Variants in EEF2K observed in about 807,000 individuals in gnomAD.
EEF2K encodes eukaryotic elongation factor 2 kinase, also known as alternative protein EEF2K.
A neutral mutation model predicts 93.8 loss-of-function variants in EEF2K; 70 were observed. That is an observed-to-expected ratio of 0.75 (90% CI 0.62 to 0.91). EEF2K has a LOEUF of 0.91. Among genes scored for constraint, EEF2K ranks in the 40% least tolerant of loss-of-function variants. The probability of loss-of-function intolerance (pLI) is 0.00; values close to 1 mark genes in which losing one functional copy is unlikely to be tolerated. For missense variants in EEF2K, 935 were observed against 972.9 expected (o/e 0.96, Z 0.52); for synonymous variants, 376 against 380.8 (o/e 0.99, Z 0.15).
intron 12 of EEF2K, among the ~76,000 whole-genome samples, 166 bp from the exon 13 acceptor site, chr16:22,264,652 A>G (rs550648152): frequency 6.6e-6 from 1 of 152,154 alleles, no homozygotes; most frequent in African/African-American, 2.4e-5. Flanking sequence ...TGCTTGGCAG[A>G]GAAGGGTTCC....
intron 1 of EEF2K, among the ~76,000 whole-genome samples, chr16:22,212,971 C>A (rs1933573216): frequency 6.6e-6 from 1 of 151,614 alleles, no homozygotes; most frequent in Admixed American, 6.6e-5. Context: ...AAGACACCCA[C>A]CCAGTCTCTT....
chr16:22,224,992 G>A (rs978156031), intron 1 of EEF2K, among the ~76,000 whole-genome samples: 32 of 152,156 alleles, frequency 2.1e-4, no homozygotes, highest in Middle Eastern at 3.4e-3. Flanking sequence ...GAAATGGAAC[G>A]GGGTGATATG....
chr16:22,272,368 T>C (rs1440879725), intron 15 of EEF2K, among the ~76,000 whole-genome samples: 1 of 152,206 alleles, frequency 6.6e-6, no homozygotes, highest in East Asian at 1.9e-4. Flanking sequence ...AATGAAATAT[T>C]GATATGCGCT....
At chr16:22,226,106 A>T (rs2047061222) in intron 2 of EEF2K, 131 bp downstream of exon 2, 1 of 1,331,904 alleles carries the variant, frequency 7.5e-7, no homozygotes, top group Non-Finnish European at 1.0e-6. Flanking sequence ...TGAGCTGAGG[A>T]TATACTTGTT....
chr16:22,242,968 G>A (rs1014483351), intron 2 of EEF2K, among the ~76,000 whole-genome samples: 1 of 151,744 alleles, frequency 6.6e-6, no homozygotes, highest in Non-Finnish European at 1.5e-5. Context: ...TCAGCCTGGG[G>A]TCCTAGCTAC....
intron 9 of EEF2K, among the ~76,000 whole-genome samples, chr16:22,258,012 A>G (rs113718018): frequency 1.3e-5 from 2 of 152,212 alleles, no homozygotes; most frequent in African/African-American, 4.8e-5. Context: ...ATTTTTTACC[A>G]GAGTGAGGGG....
chr16:22,281,085 C>A (rs1567292789), intron 17 of EEF2K, among the ~76,000 whole-genome samples: 2 of 152,002 alleles, frequency 1.3e-5, no homozygotes, highest in Non-Finnish European at 2.9e-5. Context: ...CAGGCACACA[C>A]CCAGCTAATT....
chr16:22,261,990 G>A (rs946532040), intron 11 of EEF2K, among the ~76,000 whole-genome samples: 15 of 145,500 alleles, frequency 1.0e-4, no homozygotes, highest in Non-Finnish European at 1.3e-4. Context: ...GGGTGACAAC[G>A]TGAGACCCTG....
intron 1 of EEF2K, among the ~76,000 whole-genome samples, chr16:22,219,190 G>T (rs1253129058): frequency 1.3e-5 from 2 of 152,112 alleles, no homozygotes; most frequent in Non-Finnish European, 1.5e-5. Flanking sequence ...GCTAAGGAAG[G>T]TTCCTTGCTT....
intron 2 of EEF2K, among the ~76,000 whole-genome samples, chr16:22,238,705 C>T (rs1193689033): frequency 6.7e-6 from 1 of 149,570 alleles, no homozygotes; most frequent in Non-Finnish European, 1.5e-5. Flanking sequence ...CATCCTTGGA[C>T]CAGCTTACCT....
At chr16:22,278,281 CAGAA>C (rs2047659290) in intron 16 of EEF2K, among the ~76,000 whole-genome samples, 1 of 152,218 alleles carries the variant, frequency 6.6e-6, no homozygotes, top group African/African-American at 2.4e-5. Flanking sequence ...CTCATACTGG[CAGAA>C]ATCCATTCAT....
In EEF2K at chr16:22,285,485, T is replaced by G. The variant is rs1340204737; in HGVS notation, c.*1489T>G. ...TAATGAGCTTTTCCTTTCAATGGAA[T>G]TCAGCTCTCACATTAGTATGATTTC... On this transcript the variant is annotated 3_prime_UTR_variant, in exon 18 of 18. Coordinates refer to ENST00000263026, the MANE Select transcript of EEF2K (RefSeq NM_013302.5). 1 of 152,242 alleles carries G rather than the reference T, an allele frequency of 6.6e-6. No homozygotes were observed. Among genetic ancestry groups the G allele is most frequent in the African/African-American group, 2.4e-5 (1 of 41,464 alleles). 9.4% of individuals were successfully genotyped at this position (152,242 alleles called of 1,614,324 possible). A position where few individuals can be genotyped will look rare whatever the true frequency, so the allele number is the denominator to read the frequency against.
At chr16:22,213,222 G>T (rs1022213422) in intron 1 of EEF2K, among the ~76,000 whole-genome samples, 2 of 152,238 alleles carry the variant, frequency 1.3e-5, no homozygotes, top group African/African-American at 4.8e-5. Context: ...GGAGTTTGCA[G>T]TGAGCCAAGA....
In EEF2K at chr16:22,273,736, C is replaced by A; in HGVS notation, c.1875C>A (p.Asn625Lys). The change falls in exon 16 of 18, where the codon AAC becomes AAA. Residue 625 changes from asparagine to lysine, a missense_variant. Transcript: ENST00000263026. ...CGCGAGCTTTTGACTCTGGCCAGAA[C>A]CTCAGCCCGGACAGGTACTGCAGCT... ...LVARAFDSGQ[N>K]LSPDRCQDWL... 6.2e-7 allele frequency: 1 copy of A among 1,613,830 alleles called. No homozygotes were observed. Among genetic ancestry groups the A allele is most frequent in the Non-Finnish European group, 8.5e-7 (1 of 1,179,890 alleles).
intron 2 of EEF2K, among the ~76,000 whole-genome samples, chr16:22,232,574 C>T (rs2047126836): frequency 6.6e-6 from 1 of 152,156 alleles, no homozygotes; most frequent in South Asian, 2.1e-4. Flanking sequence ...TCTGCTCTGC[C>T]TTCCGTGGGG....
intron 17 of EEF2K, among the ~76,000 whole-genome samples, chr16:22,281,427 T>C (rs538951281): frequency 6.6e-6 from 1 of 151,910 alleles, no homozygotes; most frequent in African/African-American, 2.4e-5. Flanking sequence ...TTCTTTGTAG[T>C]GACAGAGTCT....
At chr16:22,248,922 G>A (rs900215313) in intron 4 of EEF2K, 107 bp downstream of exon 4, 2 of 1,092,514 alleles carry the variant, frequency 1.8e-6, no homozygotes, top group South Asian at 3.2e-5. Context: ...TTTAATTTTT[G>A]TAACTTCGGG....
At chr16:22,261,689 CAA>C (rs540197847) in intron 11 of EEF2K, among the ~76,000 whole-genome samples, 26 of 88,116 alleles carry the variant, frequency 3.0e-4, no homozygotes, top group Admixed American at 5.2e-4. Context: ...GACTCAGTCT[CAA>C]AAAAAAAAAA....
intron 17 of EEF2K, among the ~76,000 whole-genome samples, chr16:22,282,164 C>G (rs1219299636): frequency 6.6e-6 from 1 of 152,250 alleles, no homozygotes; most frequent in East Asian, 1.9e-4. Flanking sequence ...TACCACCGCA[C>G]TTCAGCCTGG....
Sources: allele counts gnomAD v4.1 joint callset (sites outside exome capture counted in the v4.1 genomes callset), GRCh38; gene constraint gnomAD v4.1.1; transcripts MANE v1.5; gene names NCBI Gene and HGNC (gene_info 2026-07-23, HGNC 2026-07-21).